Variants in TRIM2 observed in about 807,000 individuals in gnomAD.
TRIM2 encodes the protein tripartite motif-containing protein 2.
In TRIM2, 20 loss-of-function variants were observed where a neutral mutation model predicts 75.2. The ratio of observed to expected loss-of-function variants is 0.27; its 90% CI spans 0.19 to 0.39. The LOEUF (loss-of-function observed/expected upper bound fraction) is 0.39, where lower values mean the gene tolerates loss of function less well. TRIM2 is among the 10% of genes least tolerant of loss of function. The probability of loss-of-function intolerance (pLI) is 1.00; values close to 1 mark genes in which losing one functional copy is unlikely to be tolerated. For missense variants in TRIM2, 660 were observed against 990.8 expected, an observed-to-expected ratio of 0.67 and a Z score of 4.48; for synonymous variants, 373 against 388.3, an observed-to-expected ratio of 0.96 and a Z score of 0.46.
intron 1 of TRIM2, among the ~76,000 whole-genome samples, chr4:153,178,267 G>A (rs544190337): frequency 1.3e-5 from 2 of 152,140 alleles, no homozygotes; most frequent in South Asian, 2.1e-4. Context: ...TGTAGGTTCC[G>A]TAACCTCCTG....
Position 153,270,526 on chromosome 4 carries a change from C to T in TRIM2, c.215+7C>T, listed in dbSNP as rs1210391935. ...TGCACACTTTCTGCGAGAGGTAAGCCTCCTTTGTGCTTGGAGAAGGGAGTT... is the reference window on the plus strand; with the variant it reads ...TGCACACTTTCTGCGAGAGGTAAGCTTCCTTTGTGCTTGGAGAAGGGAGTT... On this transcript the variant is annotated splice_region_variant and intron_variant, in intron 2 of 11. Coordinates refer to ENST00000338700, the MANE Select transcript of TRIM2 (RefSeq NM_015271.5). 2 of 1,592,054 alleles carry T rather than the reference C, an allele frequency of 1.3e-6. No individual in the cohort carries two copies. Among genetic ancestry groups the T allele is most frequent in the Admixed American group, 1.7e-5 (1 of 57,798 alleles).
chr4:153,283,892 A>T (rs1400905161), intron 3 of TRIM2, among the ~76,000 whole-genome samples: 1 of 105,936 alleles, frequency 9.4e-6, no homozygotes, highest in Admixed American at 1.1e-4. Flanking sequence ...TTTTTTTGAG[A>T]CAGAGACTTG....
chr4:153,244,135 C>CTTG (rs1747487061), intron 1 of TRIM2, among the ~76,000 whole-genome samples: 1 of 142,086 alleles, frequency 7.0e-6, no homozygotes, highest in Non-Finnish European at 1.6e-5. Flanking sequence ...TCTTCTTCTT[C>CTTG]TTCTTCTTGT....
chr4:153,304,687 C>T (rs1269340926), intron 6 of TRIM2, among the ~76,000 whole-genome samples: 3 of 152,236 alleles, frequency 2.0e-5, no homozygotes, highest in South Asian at 2.1e-4. Flanking sequence ...ACCACATGCA[C>T]GAGAATGCCT....
chr4:153,186,841 AC>A (rs1422777081), intron 1 of TRIM2, among the ~76,000 whole-genome samples: 1 of 152,184 alleles, frequency 6.6e-6, no homozygotes, highest in African/African-American at 2.4e-5. Flanking sequence ...AACAAGCTCT[AC>A]CTGTGTGGGG....
intron 1 of TRIM2, among the ~76,000 whole-genome samples, chr4:153,235,771 C>T (rs1366599364): frequency 6.6e-6 from 1 of 152,158 alleles, no homozygotes; most frequent in Non-Finnish European, 1.5e-5. Context: ...ACCAGCTATT[C>T]CTTCTGATCA....
At chr4:153,243,818 TC>T (rs77308682) in intron 1 of TRIM2, among the ~76,000 whole-genome samples, 19,278 of 98,580 alleles carry the variant, frequency 0.2, 2,270 homozygotes, top group African/African-American at 0.36. Context: ...TTTTTTTTTT[TC>T]CCCCCCCCCT....
At chr4:153,326,334 A>G (rs1279466092) in intron 10 of TRIM2, among the ~76,000 whole-genome samples, 1 of 152,040 alleles carries the variant, frequency 6.6e-6, no homozygotes, top group Non-Finnish European at 1.5e-5. Context: ...ATTTATTTAA[A>G]CTCAATTTTC....
At chr4:153,237,528 A>C (rs1745351292) in intron 1 of TRIM2, among the ~76,000 whole-genome samples, 2 of 152,086 alleles carry the variant, frequency 1.3e-5, no homozygotes, top group African/African-American at 2.4e-5. Flanking sequence ...AAAATACAAA[A>C]AATTAGCCGA....
intron 1 of TRIM2, among the ~76,000 whole-genome samples, chr4:153,212,086 C>G (rs1034336050): frequency 6.6e-6 from 1 of 152,166 alleles, no homozygotes; most frequent in African/African-American, 2.4e-5. Context: ...AATGGCCTCT[C>G]TGCAGGCTTC....
At chr4:153,249,420 A>G (rs945180607) in intron 1 of TRIM2, among the ~76,000 whole-genome samples, 7 of 152,254 alleles carry the variant, frequency 4.6e-5, no homozygotes, top group East Asian at 1.9e-4. Flanking sequence ...GTCGGTGGTT[A>G]TGACCGCAGG....
At position 153,266,328 on chromosome 4, in the gene TRIM2, C is replaced by T. The variant is rs1437140332; in HGVS notation, c.31-4007C>T. ...GGGACTATGTATGTGTGCCACCATG[C>T]CTGGCTAATTTTTGGGTTTTTTTTT... On this transcript the variant is annotated intron_variant, in intron 1 of 11. Transcript: ENST00000338700. Among the ~76,000 whole-genome samples the T allele has an allele frequency of 1.9e-4, 28 of 147,864 alleles. 1 individual carries two copies. Among genetic ancestry groups the T allele is most frequent in the African/African-American group, 5.3e-4 (21 of 39,538 alleles).
chr4:153,273,304 C>G (rs371501644), intron 2 of TRIM2, among the ~76,000 whole-genome samples: 1 of 72,844 alleles, frequency 1.4e-5, no homozygotes, highest in South Asian at 5.3e-4. Context: ...GAGACAGAGT[C>G]TCGCTCTGCC....
chr4:153,275,828 A>G, intron 2 of TRIM2, 65 bp from the exon 3 acceptor site: 1 of 1,430,000 alleles, frequency 7.0e-7, no homozygotes, highest in South Asian at 1.2e-5. Context: ...GAGAACATGT[A>G]TGGTACCTGT....
chr4:153,290,441 A>G lies in TRIM2; in HGVS notation c.454-2541A>G, dbSNP rs530596296. On this transcript the variant is annotated intron_variant, in intron 3 of 11. Coordinates refer to ENST00000338700, the MANE Select transcript of TRIM2 (RefSeq NM_015271.5). ...TCCCTCACTGGGGAAATCCCTTGGAAGTACCCCTTAGCTCATATTGCCCCT... is the reference window on the plus strand; with the variant it reads ...TCCCTCACTGGGGAAATCCCTTGGAGGTACCCCTTAGCTCATATTGCCCCT... Among the ~76,000 whole-genome samples, 9 of 152,324 alleles carry G rather than the reference A, an allele frequency of 5.9e-5. No homozygotes were observed. The East Asian group carries it at 1.7e-3, about 29-fold the overall frequency.
intron 3 of TRIM2, among the ~76,000 whole-genome samples, chr4:153,286,349 G>A (rs958664807): frequency 6.6e-6 from 1 of 152,150 alleles, no homozygotes; most frequent in African/African-American, 2.4e-5. Context: ...GAGTTAGGAA[G>A]TATTACCCCT....
At chr4:153,311,523 T>G (rs925701718) in intron 6 of TRIM2, among the ~76,000 whole-genome samples, 1 of 152,008 alleles carries the variant, frequency 6.6e-6, no homozygotes, top group Non-Finnish European at 1.5e-5. Context: ...GTTCAGGTGC[T>G]TTTTAGCCCC....
In TRIM2 at chr4:153,266,321, C is replaced by T. The variant is rs115324848; in HGVS notation, c.31-4014C>T. 7.8e-3 allele frequency among the ~76,000 whole-genome samples: 1,183 copies of T among 150,788 alleles called. 10 individuals are homozygous for T. Among genetic ancestry groups the T allele is most frequent in the Non-Finnish European group, 0.013 (890 of 67,816 alleles). On this transcript the variant is annotated intron_variant, in intron 1 of 11. Transcript: ENST00000338700. ...AGCAGCTGGGACTATGTATGTGTGC[C>T]ACCATGCCTGGCTAATTTTTGGGTT...
chr4:153,169,196 G>A (rs1730604166), intron 1 of TRIM2, among the ~76,000 whole-genome samples: 1 of 152,158 alleles, frequency 6.6e-6, no homozygotes, highest in Non-Finnish European at 1.5e-5. Context: ...CACAGTGGAG[G>A]CATCTTGTTC....
Sources: gnomAD v4.1 joint callset for allele counts (sites outside exome capture counted in the v4.1 genomes callset) on GRCh38, gnomAD v4.1.1 for gene constraint, MANE v1.5 for transcripts, NCBI Gene and HGNC (gene_info 2026-07-23, HGNC 2026-07-21) for gene names.